The following NXPE3 variants were observed in gnomAD, a reference collection of about 807,000 sequenced individuals.
The protein encoded by NXPE3 is NXPE family member 3.
A neutral mutation model predicts 46.1 loss-of-function variants in NXPE3; 26 were observed. The ratio of observed to expected loss-of-function variants is 0.56; its 90% CI spans 0.41 to 0.78. NXPE3 has a LOEUF of 0.78. Ranked by LOEUF, NXPE3 falls within the 30% of genes least tolerant of loss-of-function variation. NXPE3 has a pLI of 0.00. For missense variants in NXPE3, 620 were observed against 686.0 expected (o/e 0.90, Z 1.07); for synonymous variants, 272 against 257.9 (o/e 1.05, Z -0.52).
chr3:101,820,431 G>T (rs1018359835), intron 7 of NXPE3, among the ~76,000 whole-genome samples: 1 of 152,228 alleles, frequency 6.6e-6, no homozygotes, highest in Admixed American at 6.5e-5. Context: ...GTTGGTGGAA[G>T]TGTAAATTAA....
At chr3:101,793,500 A>C (rs868061559) in intron 4 of NXPE3, among the ~76,000 whole-genome samples, 6 of 150,828 alleles carry the variant, frequency 4.0e-5, no homozygotes, top group African/African-American at 7.3e-5. Context: ...TTTACATTTA[A>C]TATATTTTTT....
At chr3:101,807,671 G>A (rs1162138294) in intron 6 of NXPE3, among the ~76,000 whole-genome samples, 1 of 151,896 alleles carries the variant, frequency 6.6e-6, no homozygotes, top group African/African-American at 2.4e-5. Context: ...GCCCTCTTCT[G>A]TTTGGCTCCT....
rs754887633 is a variant in NXPE3, at chr3:101,801,546, G to A, written c.405G>A (p.Lys135=). The A allele has an allele frequency of 3.1e-6, 5 of 1,614,230 alleles. No homozygotes were observed. Among genetic ancestry groups the A allele is most frequent in the Non-Finnish European group, 4.2e-6 (5 of 1,180,040 alleles). ...VLVHVQDFQR[K]PKKYGGDYLQ... ...TTCATGTGCAGGATTTTCAAAGAAA[G>A]CCCAAGAAGTATGGTGGAGACTACC... Residue 135 remains lysine, a synonymous_variant, in exon 5 of 8, where the codon AAG becomes AAA. Transcript: ENST00000273347.
chr3:101,815,795 A>C (rs1941943926), intron 6 of NXPE3, among the ~76,000 whole-genome samples: 1 of 152,164 alleles, frequency 6.6e-6, no homozygotes, highest in African/African-American at 2.4e-5. Flanking sequence ...CAAGAGATTG[A>C]GACCATCTTG....
chr3:101,813,458 A>G (rs1411076657), intron 6 of NXPE3, among the ~76,000 whole-genome samples: 2 of 151,864 alleles, frequency 1.3e-5, no homozygotes, highest in Non-Finnish European at 2.9e-5. Context: ...GTTTTGTTCC[A>G]TCTTTGGCCC....
chr3:101,800,180 TA>T (rs1320136928), intron 4 of NXPE3, among the ~76,000 whole-genome samples: 1 of 152,192 alleles, frequency 6.6e-6, no homozygotes, highest in Admixed American at 6.5e-5. Context: ...TTTTCTTTCC[TA>T]AAATATGTAT....
chr3:101,790,749 C>T (rs116820458), intron 4 of NXPE3, among the ~76,000 whole-genome samples: 2,752 of 152,022 alleles, frequency 0.018, 30 homozygotes, highest in Non-Finnish European at 0.027. Flanking sequence ...TGCGCCACCA[C>T]GTCTGGCTAA....
At chr3:101,793,427 A>T (rs1940629935) in intron 4 of NXPE3, among the ~76,000 whole-genome samples, 1 of 152,002 alleles carries the variant, frequency 6.6e-6, no homozygotes, top group African/African-American at 2.4e-5. Flanking sequence ...GCTAGCATGT[A>T]ATTGGATCTT....
rs753091084 is a variant in NXPE3 at position 101,801,250 on chromosome 3, A to T, written c.109A>T (p.Thr37Ser). ...VTQVEYLDHE[T>S]VSATFIDSSG... ...TCTTCTTCAGTACTTGGACCATGAG[A>T]CTGTTTCAGCCACTTTCATCGACAG... Residue 37 changes from threonine (T) to serine (S), a missense_variant, in exon 5 of 8, where the codon ACT becomes TCT. Physicochemically the swap from Thr to Ser is moderately conservative, Grantham distance 58 (BLOSUM62 1). Around this residue, in one of 3 missense-constraint regions of NXPE3, gnomAD observed 511 missense variants for 528.6 expected, o/e 0.97. Transcript: ENST00000273347. The T allele has an allele frequency of 6.2e-7, 1 of 1,611,186 alleles. No individual in the cohort carries two copies. The highest frequency in any genetic ancestry group is 1.3e-5 in the African/African-American group (1 of 74,838).
chr3:101,788,196 C>T (rs904699811), intron 4 of NXPE3, among the ~76,000 whole-genome samples: 6 of 152,090 alleles, frequency 3.9e-5, no homozygotes, highest in East Asian at 1.9e-4. Flanking sequence ...TATCCAATTC[C>T]GGTACTCACT....
intron 6 of NXPE3, among the ~76,000 whole-genome samples, chr3:101,809,884 T>C (rs1941634717): frequency 6.6e-6 from 1 of 152,234 alleles, no homozygotes; most frequent in South Asian, 2.1e-4. Context: ...AGGCTTGTCT[T>C]GTATTTTCTT....
chr3:101,817,007 T>C lies in NXPE3; in HGVS notation c.1129+6T>C. 6.2e-7 allele frequency: 1 copy of C among 1,613,032 alleles called. No homozygotes were observed. Among genetic ancestry groups the C allele is most frequent in the Non-Finnish European group, 8.5e-7 (1 of 1,179,006 alleles). On this transcript the variant is annotated splice_donor_region_variant and intron_variant, in intron 7 of 7. Transcript: ENST00000273347. Reference sequence around the variant, plus strand: ...CCTTACTACATTTGTTCCAGGTTGGTACTGTGCCTTTTGTTTCGTAACTCT... The same window carrying C: ...CCTTACTACATTTGTTCCAGGTTGGCACTGTGCCTTTTGTTTCGTAACTCT...
At chr3:101,819,647 G>A (rs942575074) in intron 7 of NXPE3, among the ~76,000 whole-genome samples, 1 of 152,084 alleles carries the variant, frequency 6.6e-6, no homozygotes, top group Non-Finnish European at 1.5e-5. Flanking sequence ...TTAATCAACA[G>A]ATAAGTATAT....
chr3:101,802,214 AC>A (rs780983378), intron 5 of NXPE3, among the ~76,000 whole-genome samples: 11 of 152,220 alleles, frequency 7.2e-5, no homozygotes, highest in Non-Finnish European at 1.6e-4. Context: ...AAGACCTTTT[AC>A]CCTTGAATTT....
intron 6 of NXPE3, among the ~76,000 whole-genome samples, chr3:101,814,730 T>C (rs1941889958): frequency 6.6e-6 from 1 of 152,116 alleles, no homozygotes; most frequent in Admixed American, 6.5e-5. Context: ...TATAACCTGG[T>C]GGTTTCTTGA....
intron 5 of NXPE3, among the ~76,000 whole-genome samples, chr3:101,806,396 A>G (rs1316437603): frequency 6.6e-6 from 1 of 152,136 alleles, no homozygotes; most frequent in East Asian, 1.9e-4. Context: ...CAGCCCTCCA[A>G]AAATATTTAC....
chr3:101,785,815 G>A lies in NXPE3; in HGVS notation c.93+126G>A, dbSNP rs183261160. The stretch of plus-strand genomic sequence containing the variant: ...TCACAGTTCTTGTTTTCATTTATTC[G>A]GTAAGTATTTGCGTGCTCACAATGG... On this transcript the variant is annotated intron_variant, in intron 4 of 7. Transcript: ENST00000273347. The A allele has an allele frequency of 7.2e-5, 55 of 761,286 alleles. 1 individual carries two copies. The highest frequency in any genetic ancestry group is 4.4e-4 in the African/African-American group (26 of 58,832). 47.2% of individuals were successfully genotyped at this position (761,286 alleles called of 1,614,324 possible).
Position 101,827,022 on chromosome 3 carries a change from A to G in NXPE3, c.*5068A>G, listed in dbSNP as rs986651049. 1 of 152,250 alleles carries G rather than the reference A, an allele frequency of 6.6e-6. No homozygotes were observed. Among genetic ancestry groups the G allele is most frequent in the Non-Finnish European group, 1.5e-5 (1 of 68,084 alleles). 9.4% of individuals were successfully genotyped at this position (152,250 alleles called of 1,614,324 possible). On this transcript the variant is annotated 3_prime_UTR_variant, in exon 8 of 8. Transcript: ENST00000273347. Reference sequence around the variant, plus strand: ...CACTCTAGCCTGGGCAACGAGAGTGAAACTCTGTCTCAATAAATAAATAAA... The same window carrying G: ...CACTCTAGCCTGGGCAACGAGAGTGGAACTCTGTCTCAATAAATAAATAAA...
chr3:101,804,099 T>C (rs1335216536), intron 5 of NXPE3, among the ~76,000 whole-genome samples: 2 of 152,222 alleles, frequency 1.3e-5, no homozygotes, highest in African/African-American at 4.8e-5. Flanking sequence ...CCAATTCCAC[T>C]GTCATAATTG....
Sources: allele counts gnomAD v4.1 joint callset (sites outside exome capture counted in the v4.1 genomes callset), GRCh38; gene constraint gnomAD v4.1.1; regional missense constraint gnomAD v4.1.1; transcripts MANE v1.5; gene names NCBI Gene and HGNC (gene_info 2026-07-23, HGNC 2026-07-21).